Variants in PAK3 observed in about 807,000 individuals in gnomAD.
PAK3 encodes p21 (RAC1) activated kinase 3.
Under a neutral mutation model 41.0 loss-of-function variants are expected in PAK3, and 4 were observed. The ratio of observed to expected loss-of-function variants is 0.10; its 90% CI spans 0.05 to 0.22. The LOEUF (loss-of-function observed/expected upper bound fraction) is 0.22, where lower values mean the gene tolerates loss of function less well. Among genes scored for constraint, PAK3 ranks in the 10% least tolerant of loss-of-function variants. The pLI is 1.00. For synonymous variants in PAK3, 146 were observed against 139.6 expected (o/e 1.05, Z -0.32); for missense variants, 205 against 409.9 (o/e 0.50, Z 4.32).
At chrX:111,060,972 A>G (rs962076893) in intron 1 of PAK3, among the ~76,000 whole-genome samples, 1 of 111,579 alleles carries the variant, frequency 9.0e-6, no homozygotes, top group East Asian at 2.8e-4. Context: ...AATTGAATAG[A>G]TTTTTAGACT....
intron 10 of PAK3, among the ~76,000 whole-genome samples, chrX:111,163,929 T>A (rs1443044149): frequency 8.9e-6 from 1 of 111,974 alleles, no homozygotes; most frequent in Non-Finnish European, 1.9e-5. Context: ...GAACTAAATA[T>A]TTTTACTTGA....
chrX:110,960,549 G>A (rs1168844121), intron 1 of PAK3, among the ~76,000 whole-genome samples: 1 of 111,519 alleles, frequency 9.0e-6, no homozygotes, highest in African/African-American at 3.3e-5. Flanking sequence ...TGAGGTCAAG[G>A]AGGTAACATG....
intron 16 of PAK3, 24 bp from the exon 17 acceptor site, chrX:111,216,397 G>A (rs1209101320): frequency 1.7e-6 from 2 of 1,148,315 alleles, no homozygotes; most frequent in Non-Finnish European, 2.4e-6. Context: ...TGTGCTGAAT[G>A]GATTTTTCTA....
intron 1 of PAK3, among the ~76,000 whole-genome samples, chrX:111,023,995 T>A (rs2092232451): frequency 8.9e-6 from 1 of 111,890 alleles, no homozygotes; most frequent in African/African-American, 3.2e-5. Flanking sequence ...TGGTATTGCC[T>A]AGGTTTTCTT....
At chrX:111,092,611 A>G (rs906326411), upstream of PAK3, among the ~76,000 whole-genome samples, 5 of 111,659 alleles carry the variant, frequency 4.5e-5, no homozygotes, top group Non-Finnish European at 7.5e-5. Flanking sequence ...GGTGATAGAT[A>G]TGTCCATGCC....
intron 1 of PAK3, among the ~76,000 whole-genome samples, chrX:111,077,574 A>G (rs1206548756): frequency 8.9e-6 from 1 of 112,133 alleles, no homozygotes; most frequent in Non-Finnish European, 1.9e-5. Flanking sequence ...CAGTCTCCTT[A>G]ATAAATGGTG....
intron 1 of PAK3, among the ~76,000 whole-genome samples, chrX:111,065,115 G>A (rs2092691015): frequency 8.9e-6 from 1 of 112,150 alleles, no homozygotes; most frequent in Non-Finnish European, 1.9e-5. Flanking sequence ...TGGTGAGAGT[G>A]AGCATCCTTG....
At chrX:111,220,234 TAA>T in intron 17 of PAK3, 122 bp from the exon 18 acceptor site, 1 of 516,518 alleles carries the variant, frequency 1.9e-6, no homozygotes, top group East Asian at 3.7e-5. Flanking sequence ...CGTTTTTAAT[TAA>T]ATGATATTTA....
At chrX:111,149,070 G>T (rs2149120618) in intron 7 of PAK3, among the ~76,000 whole-genome samples, 1 of 111,627 alleles carries the variant, frequency 9.0e-6, no homozygotes, top group African/African-American at 3.3e-5. Context: ...ATTCCAAATG[G>T]GAGAAATTGG....
chrX:111,026,892 T>A (rs1296636271), intron 1 of PAK3, among the ~76,000 whole-genome samples: 1 of 112,068 alleles, frequency 8.9e-6, no homozygotes, highest in African/African-American at 3.2e-5. Flanking sequence ...GGCATCACAT[T>A]ACCTGACTTC....
chrX:111,202,028 C>T (rs2094690001), intron 16 of PAK3, among the ~76,000 whole-genome samples: 1 of 109,858 alleles, frequency 9.1e-6, no homozygotes, highest in Non-Finnish European at 1.9e-5. Context: ...TTGCACAGTT[C>T]AGTACAATTA....
At chrX:111,031,168 G>A (rs1202817630) in intron 1 of PAK3, among the ~76,000 whole-genome samples, 1 of 112,108 alleles carries the variant, frequency 8.9e-6, no homozygotes, top group Non-Finnish European at 1.9e-5. Context: ...GTTTGGGGAG[G>A]TCACAGTCTA....
At chrX:111,061,413 C>A (rs1443494702) in intron 1 of PAK3, among the ~76,000 whole-genome samples, 1 of 111,897 alleles carries the variant, frequency 8.9e-6, no homozygotes, top group Non-Finnish European at 1.9e-5. Context: ...GCTTTGATAT[C>A]TGTAAGGGGA....
intron 1 of PAK3, among the ~76,000 whole-genome samples, chrX:110,953,753 C>T (rs992412944): frequency 9.0e-6 from 1 of 111,636 alleles, no homozygotes; most frequent in Non-Finnish European, 1.9e-5. Flanking sequence ...GGCCTAGCTC[C>T]CTGGGACTGG....
chrX:110,961,993 T>C (rs2148614068), intron 1 of PAK3, among the ~76,000 whole-genome samples: 1 of 112,573 alleles, frequency 8.9e-6, no homozygotes, highest in Admixed American at 9.4e-5. Flanking sequence ...TCTTCTTCCT[T>C]GTCCTAGACC....
intron 16 of PAK3, among the ~76,000 whole-genome samples, chrX:111,209,914 G>T (rs1258919496): frequency 1.8e-5 from 2 of 111,891 alleles, no homozygotes; most frequent in Non-Finnish European, 3.8e-5. Flanking sequence ...TTTAACTGAG[G>T]AAATTGTTAA....
intron 8 of PAK3, among the ~76,000 whole-genome samples, chrX:111,157,435 A>G (rs1185826960): frequency 4.5e-5 from 5 of 111,466 alleles, no homozygotes; most frequent in Non-Finnish European, 9.4e-5. Context: ...GCATGTGTCT[A>G]CCTGTACCTT....
At chrX:111,019,558 A>G (rs1022345086) in intron 1 of PAK3, among the ~76,000 whole-genome samples, 6 of 104,349 alleles carry the variant, frequency 5.7e-5, no homozygotes, top group Non-Finnish European at 1.2e-4. Context: ...TTAGCCTGGC[A>G]TGTCTCCTGT....
rs1253338398 is a variant in PAK3 at position 111,223,066 on chromosome X, G to A, written c.*2619G>A. On this transcript the variant is annotated 3_prime_UTR_variant, in exon 18 of 18. Transcript: ENST00000372007. The stretch of plus-strand genomic sequence containing the variant: ...CTGTTTCTCATGCCACAGTGATGCT[G>A]AAGGATTCACATTTGGTACAATCGA... 1 of 111,559 alleles carries A rather than the reference G, an allele frequency of 9.0e-6. No individual in the cohort carries two copies. Among genetic ancestry groups the A allele is most frequent in the Non-Finnish European group, 1.9e-5 (1 of 53,140 alleles). 9.2% of individuals were successfully genotyped at this position (111,559 alleles called of 1,213,427 possible). A position where few individuals can be genotyped will look rare whatever the true frequency, so the allele number is the denominator to read the frequency against.
Sources: gnomAD v4.1 joint callset for allele counts (sites outside exome capture counted in the v4.1 genomes callset) on GRCh38, gnomAD v4.1.1 for gene constraint, MANE v1.5 for transcripts, NCBI Gene and HGNC (gene_info 2026-07-23, HGNC 2026-07-21) for gene names.